VCAN: variants seen among roughly 807,000 people sequenced by gnomAD.
VCAN encodes versican.
A neutral mutation model predicts 245.5 loss-of-function variants in VCAN; 44 were observed. That is an observed-to-expected ratio of 0.18 (90% confidence interval 0.14 to 0.23). VCAN has a LOEUF of 0.23. VCAN is among the 10% of genes least tolerant of loss of function. The probability of loss-of-function intolerance (pLI) is 1.00; values close to 1 mark genes in which losing one functional copy is unlikely to be tolerated. For missense variants in VCAN, 3,793 were observed against 4,057.9 expected, an observed-to-expected ratio of 0.93 and a Z score of 1.77; for synonymous variants, 1,413 against 1,437.0, an observed-to-expected ratio of 0.98 and a Z score of 0.38.
At chr5:83,551,436 C>T (rs138086918) in intron 10 of VCAN, among the ~76,000 whole-genome samples, 3 of 151,336 alleles carry the variant, frequency 2.0e-5, no homozygotes, top group Non-Finnish European at 2.9e-5. Flanking sequence ...CACTTGAACC[C>T]GAGAAGCAGA....
chr5:83,568,789 A>T (rs1045501721), intron 12 of VCAN, among the ~76,000 whole-genome samples: 1 of 152,214 alleles, frequency 6.6e-6, no homozygotes, highest in Non-Finnish European at 1.5e-5. Flanking sequence ...GGAAAATATC[A>T]TAAGTAAGAA....
Position 83,519,843 on chromosome 5 carries a change from T to C in VCAN, c.1537T>C (p.Phe513Leu), listed in dbSNP as rs1746011237. The C allele has an allele frequency of 1.2e-6, 2 of 1,614,016 alleles. No individual in the cohort carries two copies. The highest frequency in any genetic ancestry group is 1.7e-5 in the Admixed American group (1 of 59,996). ...EILKHIPSKEFPVTETPLVTA... is the reference protein window; with the variant it reads ...EILKHIPSKELPVTETPLVTA... Reference sequence around the variant, plus strand: ...CTTAAAGCACATTCCTTCCAAGGAATTCCCTGTAACTGAAACACCATTGGT... The same window carrying C: ...CTTAAAGCACATTCCTTCCAAGGAACTCCCTGTAACTGAAACACCATTGGT... Residue 513 changes from phenylalanine (F) to leucine (L), a missense_variant, in exon 7 of 15, where the codon TTC (phenylalanine) becomes CTC (leucine). Phe to Leu is a conservative substitution (Grantham distance 22). Coordinates refer to ENST00000265077, the MANE Select transcript of VCAN (RefSeq NM_004385.5).
chr5:83,556,199 C>T (rs560756736), intron 12 of VCAN, among the ~76,000 whole-genome samples: 4 of 152,226 alleles, frequency 2.6e-5, no homozygotes, highest in African/African-American at 7.2e-5. Context: ...AATGGGTTTT[C>T]CTTCACCTGT....
At chr5:83,571,456 C>G (rs1436612607) in intron 12 of VCAN, among the ~76,000 whole-genome samples, 1 of 151,984 alleles carries the variant, frequency 6.6e-6, no homozygotes, top group African/African-American at 2.4e-5. Flanking sequence ...TATCAAGTAC[C>G]TAGAAAAGGG....
chr5:83,543,260 C>T (rs1019343491), intron 8 of VCAN, among the ~76,000 whole-genome samples: 3 of 152,082 alleles, frequency 2.0e-5, no homozygotes, highest in Non-Finnish European at 4.4e-5. Flanking sequence ...TGGTGTTTTC[C>T]CATAATGTTA....
At chr5:83,497,496 A>C (rs975953414) in intron 5 of VCAN, among the ~76,000 whole-genome samples, 2 of 152,210 alleles carry the variant, frequency 1.3e-5, no homozygotes, top group African/African-American at 4.8e-5. Context: ...TAATTACATT[A>C]GCTATATTCA....
intron 2 of VCAN, among the ~76,000 whole-genome samples, chr5:83,487,291 A>G (rs549864745): frequency 9.2e-5 from 14 of 152,324 alleles, no homozygotes; most frequent in African/African-American, 3.4e-4. Context: ...GATGGAATTT[A>G]CATCATCTTT....
In VCAN at chr5:83,546,498, A is replaced by G. The variant is rs567481496; in HGVS notation, c.9379+848A>G. ...GAGGCCAGCGCGGTGGTTCAAGCCT[A>G]TAACCCCAGCACTTTGGGAGGGCGA... is the stretch of plus-strand genomic sequence containing the variant. On this transcript the variant is annotated intron_variant, in intron 9 of 14. Transcript: ENST00000265077. Among the ~76,000 whole-genome samples, 182 of 152,030 alleles carry G rather than the reference A, an allele frequency of 1.2e-3. 1 individual carries two copies. Among genetic ancestry groups the G allele is most frequent in the African/African-American group, 4.1e-3 (168 of 41,458 alleles).
intron 12 of VCAN, among the ~76,000 whole-genome samples, chr5:83,556,999 C>T (rs1476650559): frequency 6.6e-6 from 1 of 151,978 alleles, no homozygotes; most frequent in African/African-American, 2.4e-5. Context: ...GTTTTGTGAG[C>T]CCCCATCATG....
intron 12 of VCAN, among the ~76,000 whole-genome samples, chr5:83,561,235 A>G (rs79362670): frequency 0.031 from 4,678 of 152,184 alleles, 75 homozygotes; most frequent in Middle Eastern, 0.068. Flanking sequence ...GAGAAAACAG[A>G]GAGACTTTCT....
At chr5:83,491,742 T>C (rs1404825030) in intron 3 of VCAN, among the ~76,000 whole-genome samples, 1 of 152,188 alleles carries the variant, frequency 6.6e-6, no homozygotes, top group Non-Finnish European at 1.5e-5. Context: ...CTTCAAATTA[T>C]TCCAGCAACT....
At chr5:83,498,854 C>T (rs1430275298) in intron 5 of VCAN, among the ~76,000 whole-genome samples, 1 of 152,134 alleles carries the variant, frequency 6.6e-6, no homozygotes, top group African/African-American at 2.4e-5. Context: ...AGTTAAACAC[C>T]ATTGCCATGT....
chr5:83,515,426 T>C (rs1384014612), intron 6 of VCAN, among the ~76,000 whole-genome samples: 1 of 152,230 alleles, frequency 6.6e-6, no homozygotes, highest in Non-Finnish European at 1.5e-5. Context: ...ACCTTCACTC[T>C]CAGATAATTT....
chr5:83,521,185 C>T lies in VCAN; in HGVS notation c.2879C>T (p.Thr960Ile), dbSNP rs147544404. Residue 960 changes from threonine to isoleucine, a missense_variant, in exon 7 of 15, where the codon ACC (threonine) becomes ATC (isoleucine). Around this residue, in one of 5 missense-constraint regions of VCAN, gnomAD observed 3,182 missense variants for 3,250.3 expected, o/e 0.98. Transcript: ENST00000265077. ...TTAGCATTTGTTAGTTATAGTAGCACCCAAGAGCCTACTACTTATGTAGAC... is the reference window on the plus strand; with the variant it reads ...TTAGCATTTGTTAGTTATAGTAGCATCCAAGAGCCTACTACTTATGTAGAC... The part of the protein sequence containing the change: ...EGLAFVSYSS[T>I]QEPTTYVDSS... The T allele has an allele frequency of 1.4e-5, 22 of 1,613,374 alleles. No individual in the cohort carries two copies. In the African/African-American group the frequency reaches 2.3e-4, roughly 17 times the overall value.
intron 5 of VCAN, among the ~76,000 whole-genome samples, chr5:83,499,504 T>C (rs1745265489): frequency 6.6e-6 from 1 of 152,186 alleles, no homozygotes; most frequent in African/African-American, 2.4e-5. Flanking sequence ...AAAAAATGCT[T>C]TGCTTTATTT....
At position 83,540,889 on chromosome 5, in the gene VCAN, T is replaced by C; in HGVS notation, c.7886T>C (p.Leu2629Pro). 6.2e-7 allele frequency: 1 copy of C among 1,613,986 alleles called. No individual in the cohort carries two copies. The highest frequency in any genetic ancestry group is 8.5e-7 in the Non-Finnish European group (1 of 1,179,976). The change falls in exon 8 of 15, where the codon CTT becomes CCT. Residue 2629 changes from leucine to proline, a missense_variant. Leu to Pro is a moderately conservative substitution (Grantham distance 98). This residue lies in a region of VCAN where 3,182 missense variants were observed against 3,250.3 expected (regional missense o/e 0.98). Coordinates refer to ENST00000265077, the MANE Select transcript of VCAN (RefSeq NM_004385.5). ...VQEIYEAAVN[L>P]SLTEETFEGS... ...GAGATCTATGAGGCAGCTGTCAACC[T>C]TTCTTTAACTGAGGAAACATTTGAG...
At position 83,520,308 on chromosome 5, in the gene VCAN, A is replaced by T; in HGVS notation, c.2002A>T (p.Ile668Phe). ...YSGDKILVEG[I>F]STVIYPSLQT... ...TGGTGATAAAATATTAGTAGAGGGA[A>T]TTTCCACAGTTATTTATCCTTCTCT... The change falls in exon 7 of 15, where the codon ATT (isoleucine) becomes TTT (phenylalanine). Residue 668 changes from isoleucine to phenylalanine, a missense_variant. Physicochemically the swap from Ile to Phe is conservative, Grantham distance 21. Around this residue, in one of 5 missense-constraint regions of VCAN, gnomAD observed 3,182 missense variants for 3,250.3 expected, o/e 0.98. Transcript: ENST00000265077. 6.2e-7 allele frequency: 1 copy of T among 1,613,950 alleles called. No homozygotes were observed. Among genetic ancestry groups the T allele is most frequent in the Non-Finnish European group, 8.5e-7 (1 of 1,179,972 alleles).
intron 13 of VCAN, among the ~76,000 whole-genome samples, chr5:83,573,376 T>C (rs778228645): frequency 2.0e-5 from 3 of 152,094 alleles, no homozygotes; most frequent in Non-Finnish European, 4.4e-5. Flanking sequence ...TGAGAACCAC[T>C]GCCCTCCCTT....
chr5:83,565,703 T>G (rs905387337), intron 12 of VCAN, among the ~76,000 whole-genome samples: 1 of 152,126 alleles, frequency 6.6e-6, no homozygotes, highest in Non-Finnish European at 1.5e-5. Context: ...CCCTAGTTAT[T>G]GATTAGGTTT....
Sources: allele counts gnomAD v4.1 joint callset (sites outside exome capture counted in the v4.1 genomes callset), GRCh38; gene constraint gnomAD v4.1.1; regional missense constraint gnomAD v4.1.1; transcripts MANE v1.5; gene names NCBI Gene and HGNC (gene_info 2026-07-23, HGNC 2026-07-21).